Variants in CENPK observed in about 807,000 individuals in gnomAD.
The protein encoded by CENPK is centromere protein K.
In CENPK, 46 loss-of-function variants were observed where a neutral mutation model predicts 40.9. That is an observed-to-expected ratio of 1.13 (90% CI 0.89 to 1.44). CENPK has a LOEUF of 1.44. Ranked by LOEUF, CENPK falls within the 40% of genes most tolerant of loss-of-function variation. CENPK has a pLI of 0.00. For missense variants in CENPK, 288 were observed against 303.5 expected (o/e 0.95, Z 0.38); for synonymous variants, 107 against 104.4 (o/e 1.02, Z -0.15).
chr5:65,504,842 T>G, the CENPK span, among the ~76,000 whole-genome samples: 3 of 152,206 alleles, frequency 2.0e-5, no homozygotes, highest in African/African-American at 7.2e-5. Flanking sequence ...CTGGATTAAC[T>G]TTTCCTCTGG....
chr5:65,507,203 T>C, the CENPK span, among the ~76,000 whole-genome samples: 1 of 152,132 alleles, frequency 6.6e-6, no homozygotes, highest in Non-Finnish European at 1.5e-5. Flanking sequence ...CCAAGTAATA[T>C]CCACCAGAAC....
In CENPK at chr5:65,552,527, A is replaced by G. The variant is rs1454849271; in HGVS notation, c.134T>C (p.Ile45Thr). ...TGAATCGGTGAGTGTTTCAGTTCCAATAAGTGATAATTTATTCTGACACTT... is the reference window on the plus strand; with the variant it reads ...TGAATCGGTGAGTGTTTCAGTTCCAGTAAGTGATAATTTATTCTGACACTT... ...MEECQNKLSL[I>T]GTETLTDSNA... The change falls in exon 4 of 11, where the codon ATT becomes ACT. Residue 45 changes from isoleucine to threonine, a missense_variant. Physicochemically the swap from Ile to Thr is moderately conservative, Grantham distance 89. Coordinates refer to ENST00000396679, the MANE Select transcript of CENPK (RefSeq NM_022145.5). 7.7e-6 allele frequency: 12 copies of G among 1,550,662 alleles called. No individual in the cohort carries two copies. In the East Asian group the frequency reaches 9.7e-5, roughly 12 times the overall value.
intron 6 of CENPK, among the ~76,000 whole-genome samples, chr5:65,532,035 T>C (rs1351156006): frequency 6.6e-6 from 1 of 152,102 alleles, no homozygotes. Context: ...GAGAAGGACA[T>C]AAATCACCAA....
intron 8 of CENPK, 47 bp from the exon 9 acceptor site, chr5:65,528,625 A>T (rs1745171541): frequency 1.4e-6 from 2 of 1,448,934 alleles, no homozygotes; most frequent in African/African-American, 1.5e-5. Context: ...GATAAAACAC[A>T]TACACACATG....
the CENPK span, among the ~76,000 whole-genome samples, chr5:65,509,477 A>C: frequency 6.6e-6 from 1 of 152,302 alleles, no homozygotes; most frequent in East Asian, 1.9e-4. Context: ...ATCGCTCCAA[A>C]TATTTTTGCA....
chr5:65,504,085 A>C, the CENPK span, among the ~76,000 whole-genome samples: 1 of 152,138 alleles, frequency 6.6e-6, no homozygotes, highest in Admixed American at 6.6e-5. Context: ...CATGTTCCAC[A>C]GTCAAAGAAC....
the CENPK span, among the ~76,000 whole-genome samples, chr5:65,507,366 T>C: frequency 2.0e-5 from 3 of 152,200 alleles, no homozygotes; most frequent in Non-Finnish European, 4.4e-5. Flanking sequence ...TTGGTTTAGC[T>C]AAATGCACAG....
chr5:65,555,535 T>A (rs1750831130), intron 2 of CENPK, among the ~76,000 whole-genome samples: 2 of 152,222 alleles, frequency 1.3e-5, no homozygotes, highest in South Asian at 4.1e-4. Flanking sequence ...AATGAATCAT[T>A]TGAATTACAT....
intron 1 of CENPK, among the ~76,000 whole-genome samples, chr5:65,561,876 AAT>A (rs1461697350): frequency 6.6e-6 from 1 of 152,214 alleles, no homozygotes; most frequent in Admixed American, 6.5e-5. Context: ...TTATTCAACA[AAT>A]ATGTTAATGT....
intron 9 of CENPK, among the ~76,000 whole-genome samples, chr5:65,521,891 C>T (rs1048985170): frequency 1.3e-5 from 2 of 152,112 alleles, no homozygotes; most frequent in African/African-American, 4.8e-5. Flanking sequence ...AGTGAGCCAC[C>T]GCGTTTGGCC....
intron 9 of CENPK, 31 bp downstream of exon 9, chr5:65,528,421 A>G: frequency 6.4e-7 from 1 of 1,560,000 alleles, no homozygotes; most frequent in Non-Finnish European, 8.6e-7. Flanking sequence ...CAAATATGAT[A>G]ATTTACATAA....
intron 9 of CENPK, among the ~76,000 whole-genome samples, chr5:65,521,918 A>G (rs72762424): frequency 0.19 from 29,067 of 152,114 alleles, 3,427 homozygotes; most frequent in South Asian, 0.32. Flanking sequence ...TTTAAAATTA[A>G]TATTTCTTAG....
chr5:65,525,288 C>G (rs1744486409), intron 9 of CENPK, among the ~76,000 whole-genome samples: 1 of 151,976 alleles, frequency 6.6e-6, no homozygotes, highest in East Asian at 1.9e-4. Context: ...TCACTTGAAC[C>G]CAGGAGGTGG....
In CENPK at chr5:65,563,124, G is replaced by A. The variant is rs1413477558; in HGVS notation, c.-168C>T. ...ATCACAGCGTCACAAACTCCAGGTC[G>A]CCTAGGCGCTGCGCAGGAAGCGCTT... is the stretch of plus-strand genomic sequence containing the variant. On this transcript the variant is annotated 5_prime_UTR_variant, in exon 1 of 11. Coordinates refer to ENST00000396679, the MANE Select transcript of CENPK (RefSeq NM_022145.5). 4 of 668,276 alleles carry A rather than the reference G, an allele frequency of 6.0e-6. No homozygotes were observed. Among genetic ancestry groups the A allele is most frequent in the Admixed American group, 3.1e-5 (1 of 32,052 alleles). 41.4% of individuals were successfully genotyped at this position (668,276 alleles called of 1,614,324 possible).
chr5:65,514,230 CTTTTTTT>C (rs1183025827), downstream of CENPK, among the ~76,000 whole-genome samples: 27 of 62,768 alleles, frequency 4.3e-4, no homozygotes, highest in East Asian at 2.0e-3. Context: ...CTCACATAAT[CTTTTTTT>C]TTTTTTTTTT....
chr5:65,497,630 A>C, the CENPK span, among the ~76,000 whole-genome samples: 22 of 152,264 alleles, frequency 1.4e-4, no homozygotes, highest in African/African-American at 5.1e-4. Context: ...AGGGGATAAC[A>C]CAAAGCCAGG....
chr5:65,528,436 CT>C lies in CENPK; in HGVS notation c.597+15del, dbSNP rs1745131672. ...CAAATATGATAATTTACATAAATGTCTTCTCTAAAACTTACCTTTTTCTTTT... is the reference window on the plus strand; with the variant it reads ...CAAATATGATAATTTACATAAATGTCTCTCTAAAACTTACCTTTTTCTTTT... On this transcript the variant is annotated intron_variant, in intron 9 of 10. Transcript: ENST00000396679. The C allele has an allele frequency of 6.4e-7, 1 of 1,571,776 alleles. No homozygotes were observed. The highest frequency in any genetic ancestry group is 1.4e-5 in the African/African-American group (1 of 72,074).
chr5:65,510,787 A>AAG, the CENPK span, among the ~76,000 whole-genome samples: 1 of 151,724 alleles, frequency 6.6e-6, no homozygotes, highest in East Asian at 1.9e-4. Context: ...AAAAAAAAAA[A>AAG]AAGAAAGAAA....
the CENPK span, among the ~76,000 whole-genome samples, chr5:65,508,209 C>A: frequency 6.6e-6 from 1 of 152,148 alleles, no homozygotes; most frequent in Non-Finnish European, 1.5e-5. Context: ...TCTGAATTTT[C>A]ACCCACTAAT....
Sources: gnomAD v4.1 joint callset for allele counts (sites outside exome capture counted in the v4.1 genomes callset) on GRCh38, gnomAD v4.1.1 for gene constraint, MANE v1.5 for transcripts, NCBI Gene and HGNC (gene_info 2026-07-23, HGNC 2026-07-21) for gene names.